Variants in IMMP2L observed in about 807,000 individuals in gnomAD.
The protein encoded by IMMP2L is inner mitochondrial membrane peptidase subunit 2.
IMMP2L carries 18 observed loss-of-function variants against 19.3 expected under a neutral mutation model. That is an observed-to-expected ratio of 0.93 (90% CI 0.64 to 1.38). IMMP2L has a LOEUF of 1.38. IMMP2L is among the 40% of genes most tolerant of loss of function. The pLI, the probability that IMMP2L is intolerant of heterozygous loss-of-function variation, is 0.00. For synonymous variants in IMMP2L, 76 were observed against 73.0 expected (o/e 1.04, Z -0.21); for missense variants, 233 against 218.2 (o/e 1.07, Z -0.43).
At chr7:110,673,494 A>AC (rs1394383452) in intron 5 of IMMP2L, among the ~76,000 whole-genome samples, 6 of 152,132 alleles carry the variant, frequency 3.9e-5, no homozygotes, top group Non-Finnish European at 8.8e-5. Context: ...GCTGGGTTGA[A>AC]TTTTTCCCAA....
intron 3 of IMMP2L, among the ~76,000 whole-genome samples, chr7:111,316,725 T>C (rs187998690): frequency 0.012 from 1,836 of 151,450 alleles, 14 homozygotes; most frequent in South Asian, 0.038. Context: ...TATGCTTCAG[T>C]AAAAAAATTA....
At chr7:110,853,566 G>A (rs1039276961) in intron 5 of IMMP2L, among the ~76,000 whole-genome samples, 15 of 151,990 alleles carry the variant, frequency 9.9e-5, no homozygotes, top group Non-Finnish European at 7.4e-5. Context: ...GTTACCTTGT[G>A]AGATGATAGA....
At chr7:111,380,216 G>A (rs945419547) in intron 3 of IMMP2L, among the ~76,000 whole-genome samples, 6 of 151,750 alleles carry the variant, frequency 4.0e-5, no homozygotes, top group Admixed American at 3.3e-4. Flanking sequence ...TGAAGGCCCC[G>A]CCATGAGAGT....
At chr7:111,229,294 T>C (rs1044211380) in intron 3 of IMMP2L, among the ~76,000 whole-genome samples, 2 of 152,086 alleles carry the variant, frequency 1.3e-5, no homozygotes, top group African/African-American at 4.8e-5. Context: ...GTATTTAATG[T>C]ATCCTGACCA....
chr7:110,786,534 C>T (rs1800091657), intron 5 of IMMP2L, among the ~76,000 whole-genome samples: 1 of 151,962 alleles, frequency 6.6e-6, no homozygotes, highest in African/African-American at 2.4e-5. Flanking sequence ...GACTGGCACT[C>T]ACGTACCAGC....
rs118158770 is a variant in IMMP2L at position 111,185,711 on chromosome 7, A to C, written c.240-222146T>G. The stretch of plus-strand genomic sequence containing the variant: ...GAGATTAGAGCAAACTATCTGCCAG[A>C]TCCTTTTGAATTACTGTCCAACCAC... On this transcript the variant is annotated intron_variant, in intron 3 of 5. Transcript: ENST00000405709. Among the ~76,000 whole-genome samples, 26 of 152,310 alleles carry C rather than the reference A, an allele frequency of 1.7e-4. No individual in the cohort carries two copies. In the East Asian group the frequency reaches 4.8e-3, roughly 28 times the overall value.
intron 3 of IMMP2L, among the ~76,000 whole-genome samples, chr7:111,037,105 T>C (rs1235522700): frequency 6.6e-6 from 1 of 152,094 alleles, no homozygotes; most frequent in East Asian, 1.9e-4. Flanking sequence ...CGAGGAAAAA[T>C]TTAACATTTT....
At chr7:111,260,225 G>A (rs533351064) in intron 3 of IMMP2L, among the ~76,000 whole-genome samples, 3 of 152,262 alleles carry the variant, frequency 2.0e-5, no homozygotes, top group East Asian at 3.9e-4. Context: ...TGGCAGCACA[G>A]TAGGTTTGTT....
chr7:111,328,983 G>A (rs1825614662), intron 3 of IMMP2L, among the ~76,000 whole-genome samples: 1 of 151,674 alleles, frequency 6.6e-6, no homozygotes, highest in African/African-American at 2.4e-5. Flanking sequence ...GTAAGACCTT[G>A]GTAAGATCTC....
intron 5 of IMMP2L, among the ~76,000 whole-genome samples, chr7:110,715,003 T>C (rs1795146752): frequency 6.6e-6 from 1 of 152,134 alleles, no homozygotes; most frequent in Admixed American, 6.5e-5. Flanking sequence ...TTCGGGAGGT[T>C]GTGTGTTTCC....
At chr7:111,120,848 G>A (rs956082170) in intron 3 of IMMP2L, among the ~76,000 whole-genome samples, 4 of 151,914 alleles carry the variant, frequency 2.6e-5, no homozygotes, top group African/African-American at 9.7e-5. Context: ...CTGTCTCCTG[G>A]GAACCTGTTG....
At chr7:111,221,946 T>C (rs767651275) in intron 3 of IMMP2L, among the ~76,000 whole-genome samples, 3 of 151,984 alleles carry the variant, frequency 2.0e-5, no homozygotes, top group Non-Finnish European at 2.9e-5. Context: ...CATGCCAGCA[T>C]GGACATGAAA....
At chr7:110,981,681 T>G (rs1821318014) in intron 3 of IMMP2L, among the ~76,000 whole-genome samples, 3 of 152,174 alleles carry the variant, frequency 2.0e-5, no homozygotes, top group Non-Finnish European at 4.4e-5. Flanking sequence ...CAATTACATT[T>G]CCAGGACTGA....
At chr7:111,268,954 G>T (rs867767256) in intron 3 of IMMP2L, among the ~76,000 whole-genome samples, 2 of 152,026 alleles carry the variant, frequency 1.3e-5, no homozygotes, top group Admixed American at 6.6e-5. Context: ...TAAATTGGAG[G>T]CATCTGCAAA....
chr7:111,125,315 T>C (rs912168361), intron 3 of IMMP2L: 1 of 170,984 alleles, frequency 5.8e-6, no homozygotes, highest in Admixed American at 6.4e-5. Context: ...AATTGACACG[T>C]GGTGTAATAA....
chr7:110,839,349 G>C (rs532559194), intron 5 of IMMP2L, among the ~76,000 whole-genome samples: 1 of 152,090 alleles, frequency 6.6e-6, no homozygotes, highest in South Asian at 2.1e-4. Context: ...AGTCTATTAG[G>C]ATAATTCAGG....
At chr7:111,363,644 C>T (rs1459389580) in intron 3 of IMMP2L, among the ~76,000 whole-genome samples, 2 of 151,974 alleles carry the variant, frequency 1.3e-5, no homozygotes, top group African/African-American at 2.4e-5. Context: ...GGTCTTTCCC[C>T]CCTTCAATCC....
intron 3 of IMMP2L, among the ~76,000 whole-genome samples, chr7:111,265,370 A>G (rs1016769582): frequency 3.3e-5 from 5 of 152,204 alleles, no homozygotes; most frequent in African/African-American, 1.2e-4. Flanking sequence ...CTTTGTGTTG[A>G]GATCTCTGAT....
intron 3 of IMMP2L, among the ~76,000 whole-genome samples, chr7:111,273,643 GATGAA>G (rs1818717269): frequency 6.6e-6 from 1 of 152,214 alleles, no homozygotes. Flanking sequence ...CATTCCACCT[GATGAA>G]GGAACACTTC....
Sources: allele counts gnomAD v4.1 joint callset (sites outside exome capture counted in the v4.1 genomes callset), GRCh38; gene constraint gnomAD v4.1.1; transcripts MANE v1.5; gene names NCBI Gene and HGNC (gene_info 2026-07-23, HGNC 2026-07-21).